Variants in SFMBT1 observed in about 807,000 individuals in gnomAD.
The protein encoded by SFMBT1 is Scm like with four mbt domains 1, also known as scm-like with four MBT domains protein 1.
SFMBT1 carries 32 observed loss-of-function variants against 108.7 expected under a neutral mutation model. That is an observed-to-expected ratio of 0.29 (90% CI 0.22 to 0.40). The LOEUF is 0.40. Ranked by LOEUF, SFMBT1 falls within the 10% of genes least tolerant of loss-of-function variation. The pLI is 1.00. For missense variants in SFMBT1, 816 were observed against 1,059.6 expected, an observed-to-expected ratio of 0.77 and a Z score of 3.19; for synonymous variants, 348 against 369.5, an observed-to-expected ratio of 0.94 and a Z score of 0.67.
Position 52,948,228 on chromosome 3 carries a change from C to T in SFMBT1, c.124-4635G>A, listed in dbSNP as rs114261558. 5.3e-3 allele frequency among the ~76,000 whole-genome samples: 771 copies of T among 146,564 alleles called. 8 individuals carry two copies. The highest frequency in any genetic ancestry group is 9.3e-3 in the Non-Finnish European group (615 of 66,366). ...TACACAATTAAACCAGCACTTTTCC[C>T]GACCACTATAAGTCATCAACTTTGT... On this transcript the variant is annotated intron_variant, in intron 3 of 20. Transcript: ENST00000394752.
At chr3:52,969,052 A>G (rs772763405) in intron 2 of SFMBT1, 49 bp downstream of exon 2, 1 of 1,598,010 alleles carries the variant, frequency 6.3e-7, no homozygotes, top group Admixed American at 1.7e-5. Flanking sequence ...ACAGGCAAGT[A>G]ATATAATTGT....
chr3:52,934,773 A>ATGGG, intron 5 of SFMBT1, 40 bp downstream of exon 5: 1 of 1,516,588 alleles, frequency 6.6e-7, no homozygotes, highest in Non-Finnish European at 9.1e-7. Context: ...GAAAGATCAG[A>ATGGG]TGGGTTTTCC....
intron 2 of SFMBT1, among the ~76,000 whole-genome samples, chr3:52,965,510 T>C (rs963904501): frequency 6.6e-6 from 1 of 151,340 alleles, no homozygotes; most frequent in Non-Finnish European, 1.5e-5. Flanking sequence ...TGGGAGAGTG[T>C]CCAATGACAG....
chr3:52,959,850 TTTGTTG>T (rs369557544), intron 2 of SFMBT1, among the ~76,000 whole-genome samples: 89 of 151,838 alleles, frequency 5.9e-4, no homozygotes, highest in South Asian at 1.0e-3. Context: ...GGATGGTTGT[TTTGTTG>T]TTGTTGTTGT....
intron 2 of SFMBT1, among the ~76,000 whole-genome samples, chr3:52,956,555 T>C (rs1703791896): frequency 6.6e-6 from 1 of 151,978 alleles, no homozygotes. Flanking sequence ...GGTCAGGAGT[T>C]TGAGACCAGC....
intron 4 of SFMBT1, among the ~76,000 whole-genome samples, chr3:52,937,982 C>CT (rs1487059728): frequency 1.3e-5 from 2 of 152,206 alleles, no homozygotes; most frequent in African/African-American, 4.8e-5. Flanking sequence ...ACACATTTTT[C>CT]TTTTTTTCAT....
intron 1 of SFMBT1, among the ~76,000 whole-genome samples, chr3:53,026,433 C>T (rs2564951): frequency 0.25 from 37,358 of 152,220 alleles, 5,452 homozygotes; most frequent in East Asian, 0.48. Flanking sequence ...ACGACTCACA[C>T]GTAGCCACTC....
chr3:52,997,625 T>G (rs1431284766), intron 1 of SFMBT1, among the ~76,000 whole-genome samples: 1 of 150,550 alleles, frequency 6.6e-6, no homozygotes, highest in Non-Finnish European at 1.5e-5. Flanking sequence ...AACTTCATGC[T>G]ATATGAAACA....
intron 1 of SFMBT1, among the ~76,000 whole-genome samples, chr3:53,005,126 C>G (rs553653873): frequency 6.6e-6 from 1 of 152,024 alleles, no homozygotes; most frequent in Non-Finnish European, 1.5e-5. Flanking sequence ...AAAACTTATT[C>G]GAGATTACAT....
intron 1 of SFMBT1, among the ~76,000 whole-genome samples, chr3:53,001,871 G>C (rs1322050343): frequency 6.8e-6 from 1 of 146,914 alleles, no homozygotes; most frequent in Non-Finnish European, 1.5e-5. Flanking sequence ...GCTGCAGTGA[G>C]CACTGATCCT....
chr3:53,024,076 GATAA>G (rs1321567343), intron 1 of SFMBT1, among the ~76,000 whole-genome samples: 3 of 152,116 alleles, frequency 2.0e-5, no homozygotes, highest in African/African-American at 7.2e-5. Flanking sequence ...CAATACTCAG[GATAA>G]ATAAATAAAA....
chr3:53,040,205 C>T (rs1339123704), intron 1 of SFMBT1, among the ~76,000 whole-genome samples: 2 of 152,112 alleles, frequency 1.3e-5, no homozygotes, highest in Non-Finnish European at 2.9e-5. Flanking sequence ...CCATGGGCAG[C>T]CTTACTACTG....
chr3:52,948,129 C>T (rs2106823251), intron 3 of SFMBT1, among the ~76,000 whole-genome samples: 1 of 152,268 alleles, frequency 6.6e-6, no homozygotes, highest in Middle Eastern at 3.4e-3. Flanking sequence ...ATATTTAGAA[C>T]TAACATACAC....
At chr3:52,905,451 A>G (rs1322205557) in intron 20 of SFMBT1, among the ~76,000 whole-genome samples, 175 bp from the exon 21 acceptor site, 3 of 152,206 alleles carry the variant, frequency 2.0e-5, no homozygotes, top group African/African-American at 7.2e-5. Context: ...AGTCTTCCAC[A>G]CTAATGAAGC....
rs1293608550 is a variant in SFMBT1, at chr3:53,003,021, C to T, written c.-130-33763G>A. Among the ~76,000 whole-genome samples, 5 of 142,934 alleles carry T rather than the reference C, an allele frequency of 3.5e-5. No homozygotes were observed. The Admixed American group carries it at 3.7e-4, about 11-fold the overall frequency. The allele number at this position is 142,934 out of a possible 152,430, so 93.8% of individuals were successfully genotyped here. A position where few individuals can be genotyped will look rare whatever the true frequency, so the allele number is the denominator to read the frequency against. On this transcript the variant is annotated intron_variant, in intron 1 of 20. Transcript: ENST00000394752. Reference sequence around the variant, plus strand: ...CTTGTAATCCCAGCTACCTGGGAGGCTGAGGCAGGAGGAACACTTGAACCC... The same window carrying T: ...CTTGTAATCCCAGCTACCTGGGAGGTTGAGGCAGGAGGAACACTTGAACCC...
intron 12 of SFMBT1, among the ~76,000 whole-genome samples, chr3:52,919,016 C>A (rs1437111637): frequency 1.3e-5 from 2 of 152,078 alleles, no homozygotes; most frequent in African/African-American, 2.4e-5. Flanking sequence ...ATTCTTGCTC[C>A]TATGAGAATC....
At chr3:52,928,679 CACACAT>C (rs1702763564) in intron 8 of SFMBT1, among the ~76,000 whole-genome samples, 2 of 137,256 alleles carry the variant, frequency 1.5e-5, no homozygotes, top group Non-Finnish European at 3.0e-5. Flanking sequence ...TATACACACA[CACACAT>C]ATATATATAG....
chr3:52,992,350 C>T (rs35076015), intron 1 of SFMBT1, among the ~76,000 whole-genome samples: 10,684 of 152,248 alleles, frequency 0.07, 441 homozygotes, highest in Non-Finnish European at 0.095. Flanking sequence ...TGAGGATGGA[C>T]ACCTCTATTT....
At chr3:52,983,603 G>C (rs908637644) in intron 1 of SFMBT1, among the ~76,000 whole-genome samples, 1 of 152,224 alleles carries the variant, frequency 6.6e-6, no homozygotes, top group African/African-American at 2.4e-5. Flanking sequence ...CAAAGCCTTA[G>C]TGTTGAGGTA....
Sources: gnomAD v4.1 joint callset for allele counts (sites outside exome capture counted in the v4.1 genomes callset) on GRCh38, gnomAD v4.1.1 for gene constraint, MANE v1.5 for transcripts, NCBI Gene and HGNC (gene_info 2026-07-23, HGNC 2026-07-21) for gene names.